BACH2: variants seen among roughly 807,000 people sequenced by gnomAD.
BACH2 encodes the protein transcription regulator protein BACH2.
A neutral mutation model predicts 61.8 loss-of-function variants in BACH2; 5 were observed. That is an observed-to-expected ratio of 0.08 (90% confidence interval 0.04 to 0.17). BACH2 has a LOEUF of 0.17. BACH2 is among the 10% of genes least tolerant of loss of function. The pLI, the probability that BACH2 is intolerant of heterozygous loss-of-function variation, is 1.00. For missense variants in BACH2, 824 were observed against 1,091.1 expected (o/e 0.76, Z 3.45); for synonymous variants, 446 against 440.1 (o/e 1.01, Z -0.17).
chr6:90,227,068 T>C (rs1031540843), intron 3 of BACH2, among the ~76,000 whole-genome samples: 2 of 152,216 alleles, frequency 1.3e-5, no homozygotes, highest in Admixed American at 1.3e-4. Flanking sequence ...TGAAATGAAG[T>C]TTGAATAAGG....
intron 4 of BACH2, among the ~76,000 whole-genome samples, chr6:90,090,929 A>AATAGCT (rs1476289481): frequency 2.0e-4 from 31 of 152,202 alleles, no homozygotes. Context: ...ATCAAATCAG[A>AATAGCT]ATAGCTAATA....
At chr6:90,246,551 A>G (rs1314091453) in intron 3 of BACH2, among the ~76,000 whole-genome samples, 2 of 152,138 alleles carry the variant, frequency 1.3e-5, no homozygotes, top group African/African-American at 4.8e-5. Flanking sequence ...CCGAAACAAA[A>G]TAACATGTTC....
At chr6:90,044,326 C>T (rs905924212) in intron 5 of BACH2, among the ~76,000 whole-genome samples, 1 of 152,066 alleles carries the variant, frequency 6.6e-6, no homozygotes, top group African/African-American at 2.4e-5. Context: ...GCCTTCCTGG[C>T]AGAAATAAAC....
chr6:90,094,789 G>A (rs1011024237), intron 4 of BACH2, among the ~76,000 whole-genome samples: 2 of 152,094 alleles, frequency 1.3e-5, no homozygotes, highest in African/African-American at 4.8e-5. Flanking sequence ...GCTTCACCAT[G>A]CCACTTCTGG....
chr6:90,266,449 A>G (rs1329299779), intron 2 of BACH2, among the ~76,000 whole-genome samples: 1 of 152,128 alleles, frequency 6.6e-6, no homozygotes, highest in Non-Finnish European at 1.5e-5. Context: ...TTAACTTGGC[A>G]TCTAGGTGCA....
At chr6:90,074,992 T>C (rs972160506) in intron 5 of BACH2, among the ~76,000 whole-genome samples, 2 of 152,160 alleles carry the variant, frequency 1.3e-5, no homozygotes, top group Non-Finnish European at 2.9e-5. Flanking sequence ...TTAGATGTTG[T>C]TAAATCCCTT....
intron 5 of BACH2, among the ~76,000 whole-genome samples, chr6:90,047,572 C>T (rs1268657510): frequency 6.6e-6 from 1 of 152,196 alleles, no homozygotes. Context: ...CTTGATGAAG[C>T]TGAGCACCTT....
At chr6:90,054,392 A>G (rs188643483) in intron 5 of BACH2, among the ~76,000 whole-genome samples, 4,377 of 151,964 alleles carry the variant, frequency 0.029, 208 homozygotes, top group African/African-American at 0.098. Flanking sequence ...CTGAGATCAA[A>G]CTGCAAGGCG....
chr6:90,064,414 C>A (rs1438976367), intron 5 of BACH2, among the ~76,000 whole-genome samples: 3 of 152,096 alleles, frequency 2.0e-5, no homozygotes, highest in Non-Finnish European at 4.4e-5. Context: ...GGAATATGGT[C>A]CAGACAAGAA....
chr6:90,069,315 G>A (rs1184302183), intron 5 of BACH2, among the ~76,000 whole-genome samples: 2 of 152,192 alleles, frequency 1.3e-5, no homozygotes, highest in Non-Finnish European at 2.9e-5. Flanking sequence ...TAAAACAGTT[G>A]AAATTTATCC....
intron 6 of BACH2, among the ~76,000 whole-genome samples, chr6:89,960,006 T>G (rs1309707746): frequency 6.6e-6 from 1 of 152,194 alleles, no homozygotes; most frequent in East Asian, 1.9e-4. Context: ...TCCCTGACTC[T>G]GTGGTGGAGT....
chr6:89,974,731 C>A (rs544287222), intron 6 of BACH2, among the ~76,000 whole-genome samples: 2 of 152,284 alleles, frequency 1.3e-5, no homozygotes, highest in East Asian at 3.9e-4. Flanking sequence ...AAGGGATAGC[C>A]AAAACTAGAG....
chr6:90,074,956 G>A (rs1359396223), intron 5 of BACH2, among the ~76,000 whole-genome samples: 1 of 152,102 alleles, frequency 6.6e-6, no homozygotes, highest in Non-Finnish European at 1.5e-5. Context: ...TCTACAGAAT[G>A]GAAGAGAATC....
At chr6:90,240,881 CTAAATATAATAT>C (rs1303588739) in intron 3 of BACH2, among the ~76,000 whole-genome samples, 1 of 152,058 alleles carries the variant, frequency 6.6e-6, no homozygotes, top group African/African-American at 2.4e-5. Flanking sequence ...AAATATAATA[CTAAATATAATAT>C]TATTTCCAAA....
chr6:90,278,324 C>T (rs917623058), intron 1 of BACH2, among the ~76,000 whole-genome samples: 2 of 152,252 alleles, frequency 1.3e-5, no homozygotes, highest in Non-Finnish European at 2.9e-5. Context: ...TCTCTGCCCA[C>T]TGAAATTCTA....
At chr6:89,974,018 T>C (rs1267349160) in intron 6 of BACH2, among the ~76,000 whole-genome samples, 1 of 152,176 alleles carries the variant, frequency 6.6e-6, no homozygotes, top group Non-Finnish European at 1.5e-5. Flanking sequence ...GTGACTTCTG[T>C]GTGGTACAGA....
At chr6:90,199,177 T>C (rs917493230) in intron 4 of BACH2, among the ~76,000 whole-genome samples, 11 of 152,120 alleles carry the variant, frequency 7.2e-5, no homozygotes, top group African/African-American at 1.9e-4. Context: ...CTTGGAGAAG[T>C]AGACACCAGC....
chr6:89,986,219 G>GTT (rs111985387), intron 6 of BACH2, among the ~76,000 whole-genome samples: 4,709 of 140,278 alleles, frequency 0.034, 259 homozygotes, highest in African/African-American at 0.11. Context: ...TAAAGTCTGA[G>GTT]TTTTTTTTTT....
At chr6:90,128,758 C>T (rs1258819559) in intron 4 of BACH2, among the ~76,000 whole-genome samples, 5 of 152,208 alleles carry the variant, frequency 3.3e-5, no homozygotes, top group Non-Finnish European at 7.3e-5. Flanking sequence ...AAGACACATG[C>T]ACACATATGT....
Sources: gnomAD v4.1 joint callset for allele counts (sites outside exome capture counted in the v4.1 genomes callset) on GRCh38, gnomAD v4.1.1 for gene constraint, MANE v1.5 for transcripts, NCBI Gene and HGNC (gene_info 2026-07-23, HGNC 2026-07-21) for gene names.